CAPN11: variants seen among roughly 807,000 people sequenced by gnomAD.
CAPN11 encodes calpain-11.
In CAPN11, 108 loss-of-function variants were observed where a neutral mutation model predicts 105.3. That is an observed-to-expected ratio of 1.03 (90% CI 0.88 to 1.20). The LOEUF is 1.20. CAPN11 is among the 50% of genes most tolerant of loss of function. The probability of loss-of-function intolerance (pLI) is 0.00; values close to 1 mark genes in which losing one functional copy is unlikely to be tolerated. For missense variants in CAPN11, 883 were observed against 924.8 expected, an observed-to-expected ratio of 0.95 and a Z score of 0.59; for synonymous variants, 329 against 344.5, an observed-to-expected ratio of 0.96 and a Z score of 0.50.
At chr6:44,176,211 T>TGACCGGAGGAGAACGTCTCCCA in intron 8 of CAPN11, 42 bp from the exon 9 acceptor site, 1 of 1,607,558 alleles carries the variant, frequency 6.2e-7, no homozygotes, top group Non-Finnish European at 8.5e-7. Flanking sequence ...AACGTCTCCC[T>TGACCGGAGGAGAACGTCTCCCA]GACCCCATAA....
chr6:44,175,987 C>A, intron 7 of CAPN11, 81 bp from the exon 8 acceptor site: 1 of 822,330 alleles, frequency 1.2e-6, no homozygotes, highest in South Asian at 1.4e-5. Context: ...CTGGAGAGCT[C>A]GCCCCTTCCT....
intron 1 of CAPN11, chr6:44,161,767 A>G (rs1026423680): frequency 1.3e-5 from 6 of 456,030 alleles, no homozygotes; most frequent in Non-Finnish European, 2.6e-5. Context: ...CTCAAACAAC[A>G]GCATCTTCCC....
chr6:44,183,988 C>A lies in CAPN11; in HGVS notation c.*56C>A. On this transcript the variant is annotated 3_prime_UTR_variant, in exon 23 of 23. Transcript: ENST00000398776. ...AGCAGCAGCAGCAGCGAGGTTCTAG[C>A]CCAGGAGGGTGGGGTGCTTCTTGTA... 3 of 1,544,532 alleles carry A rather than the reference C, an allele frequency of 1.9e-6. No homozygotes were observed. Among genetic ancestry groups the A allele is most frequent in the Non-Finnish European group, 1.8e-6 (2 of 1,141,188 alleles).
Position 44,180,751 on chromosome 6 carries a change from A to G in CAPN11, c.1750A>G (p.Lys584Glu), listed in dbSNP as rs933348156. The change falls in exon 17 of 23, where the codon AAG (lysine) becomes GAG (glutamate). Residue 584 changes from lysine (K) to glutamate (E), a missense_variant. Lys to Glu is a moderately conservative substitution (Grantham distance 56). Coordinates refer to ENST00000398776, the MANE Select transcript of CAPN11 (RefSeq NM_007058.4). ...HLFKIVAGEG[K>E]EIGVYELQRL... ...GGTTCACAGTTCCCCTTCCTAGGGC[A>G]AGGAGATAGGGGTGTATGAGCTCCA... 3.1e-6 allele frequency: 5 copies of G among 1,613,664 alleles called. No individual in the cohort carries two copies. In the Admixed American group the frequency reaches 8.3e-5, roughly 27 times the overall value.
intron 4 of CAPN11, among the ~76,000 whole-genome samples, chr6:44,171,759 GT>G (rs1171984074): frequency 5.3e-5 from 8 of 152,080 alleles, no homozygotes; most frequent in Admixed American, 5.2e-4. Flanking sequence ...AAAAGGATGT[GT>G]CTCTCACATA....
chr6:44,179,543 A>T, intron 12 of CAPN11, 76 bp from the exon 13 acceptor site: 1 of 1,288,410 alleles, frequency 7.8e-7, no homozygotes, highest in Middle Eastern at 1.8e-4. Flanking sequence ...CACTATACAC[A>T]TCCCACTTGG....
In CAPN11 at chr6:44,180,155, C is replaced by T. The variant is rs35527493; in HGVS notation, c.1632C>T (p.Ser544=). 83 of 1,608,988 alleles carry T rather than the reference C, an allele frequency of 5.2e-5. No individual in the cohort carries two copies. The East Asian group carries it at 1.0e-3, about 20-fold the overall frequency. The change falls in exon 14 of 23, where the codon AGC becomes AGT. Residue 544 remains serine, a synonymous_variant. Coordinates refer to ENST00000398776, the MANE Select transcript of CAPN11 (RefSeq NM_007058.4). ...FLLRVFTEKH[S]ESWELDEVNY... The stretch of plus-strand genomic sequence containing the variant: ...TTCGGGTCTTCACCGAGAAGCACAG[C>T]GAGTCATGGTAAGGGGCTGCAGCTC...
intron 4 of CAPN11, among the ~76,000 whole-genome samples, chr6:44,170,201 G>A (rs971633885): frequency 1.6e-4 from 25 of 152,226 alleles, no homozygotes; most frequent in African/African-American, 5.3e-4. Flanking sequence ...TGGGTCTTGC[G>A]GGGGGAATAT....
In CAPN11 at chr6:44,177,533, G is replaced by GC. The variant is rs778831457; in HGVS notation, c.1416+114dup. ...GACAGAGTCTCACTCTGTTGCCCAG[G>GC]CTGGAGTGCAGTGGCACAATCTCCA... On this transcript the variant is annotated intron_variant, in intron 12 of 22. Coordinates refer to ENST00000398776, the MANE Select transcript of CAPN11 (RefSeq NM_007058.4). The GC allele has an allele frequency of 7.8e-5, 79 of 1,008,372 alleles. No homozygotes were observed. The African/African-American group carries it at 1.2e-3, about 15-fold the overall frequency. The allele number at this position is 1,008,372 out of a possible 1,614,324, so 62.5% of individuals were successfully genotyped here.
Position 44,171,465 on chromosome 6 carries a change from C to T in CAPN11, c.410-837C>T, listed in dbSNP as rs370145533. Among the ~76,000 whole-genome samples the T allele has an allele frequency of 1.8e-4, 27 of 152,306 alleles. No homozygotes were observed. In the East Asian group the frequency reaches 4.8e-3, roughly 27 times the overall value. Reference sequence around the variant, plus strand: ...GGAACTTCGTGGCCACACCAGTGTACTCACAGGGTGCAGGAAGGTGACTGG... The same window carrying T: ...GGAACTTCGTGGCCACACCAGTGTATTCACAGGGTGCAGGAAGGTGACTGG... On this transcript the variant is annotated intron_variant, in intron 4 of 22. Coordinates refer to ENST00000398776, the MANE Select transcript of CAPN11 (RefSeq NM_007058.4).
At chr6:44,171,036 T>C (rs1186424314) in intron 4 of CAPN11, among the ~76,000 whole-genome samples, 1 of 152,158 alleles carries the variant, frequency 6.6e-6, no homozygotes, top group Admixed American at 6.5e-5. Flanking sequence ...GTGGCCGCTG[T>C]GGCTCAGTAG....
At position 44,181,386 on chromosome 6, in the gene CAPN11, A is replaced by G. The variant is rs1052306738; in HGVS notation, c.1938+66A>G. ...AGAGGGTCTTAGGAGAGATGGAACT[A>G]ATGAGGGGAAGCTAGAACCCAAGCC... On this transcript the variant is annotated intron_variant, in intron 19 of 22. Transcript: ENST00000398776. 1.2e-5 allele frequency: 17 copies of G among 1,395,002 alleles called. 2 individuals are homozygous for G. The highest frequency in any genetic ancestry group is 1.8e-5 in the Admixed American group (1 of 57,084). 86.4% of individuals were successfully genotyped at this position (1,395,002 alleles called of 1,614,324 possible).
chr6:44,176,512 T>C, intron 9 of CAPN11, 69 bp from the exon 10 acceptor site: 1 of 1,451,006 alleles, frequency 6.9e-7, no homozygotes, highest in African/African-American at 1.4e-5. Flanking sequence ...GAAGAGGCAG[T>C]CCCCTGGAGA....
intron 7 of CAPN11, among the ~76,000 whole-genome samples, chr6:44,175,448 C>A (rs1325761319): frequency 6.6e-6 from 1 of 152,054 alleles, no homozygotes; most frequent in African/African-American, 2.4e-5. Context: ...CCACTGCACT[C>A]CAGCCTGGGT....
chr6:44,179,934 C>T lies in CAPN11; in HGVS notation c.1429-18C>T. On this transcript the variant is annotated intron_variant, in intron 13 of 22. Coordinates refer to ENST00000398776, the MANE Select transcript of CAPN11 (RefSeq NM_007058.4). The stretch of plus-strand genomic sequence containing the variant: ...ACCTCCCATGCCAGTCCTGTACCCA[C>T]TTCCAGGATGCATATAGTTTCAGAA... 1 of 1,580,366 alleles carries T rather than the reference C, an allele frequency of 6.3e-7. No individual in the cohort carries two copies. The highest frequency in any genetic ancestry group is 2.2e-5 in the East Asian group (1 of 44,714).
chr6:44,180,529 G>A (rs770312865), intron 15 of CAPN11, 30 bp downstream of exon 15: 2 of 1,613,864 alleles, frequency 1.2e-6, no homozygotes, highest in South Asian at 1.1e-5. Context: ...CTGGGGGTTG[G>A]AAGGAAGCTC....
intron 7 of CAPN11, among the ~76,000 whole-genome samples, chr6:44,173,673 C>T (rs1175024203): frequency 6.6e-6 from 1 of 151,894 alleles, no homozygotes; most frequent in Admixed American, 6.6e-5. Context: ...ACCTCCACCT[C>T]CTGGGTTCAA....
intron 12 of CAPN11, among the ~76,000 whole-genome samples, chr6:44,177,775 C>T (rs1772374078): frequency 6.6e-6 from 1 of 152,140 alleles, no homozygotes; most frequent in Admixed American, 6.5e-5. Context: ...GTGTGAGCCA[C>T]CACACCCGGC....
At chr6:44,181,212 C>G (rs1266850036) in intron 18 of CAPN11, 40 bp from the exon 19 acceptor site, 7 of 1,596,022 alleles carry the variant, frequency 4.4e-6, no homozygotes, top group Non-Finnish European at 6.0e-6. Context: ...CCTGGGATGC[C>G]TTCTTCACTC....
Sources: allele counts gnomAD v4.1 joint callset (sites outside exome capture counted in the v4.1 genomes callset), GRCh38; gene constraint gnomAD v4.1.1; transcripts MANE v1.5; gene names NCBI Gene and HGNC (gene_info 2026-07-23, HGNC 2026-07-21).